The following MAPK7 variants were observed in gnomAD, a reference collection of about 807,000 sequenced individuals.
MAPK7 encodes the protein mitogen-activated protein kinase 7.
In MAPK7, 30 loss-of-function variants were observed where a neutral mutation model predicts 56.9. That is an observed-to-expected ratio of 0.53 (90% confidence interval 0.39 to 0.72). The LOEUF is 0.72. Among genes scored for constraint, MAPK7 ranks in the 30% least tolerant of loss-of-function variants. The probability of loss-of-function intolerance (pLI) is 0.00; values close to 1 mark genes in which losing one functional copy is unlikely to be tolerated. For synonymous variants in MAPK7, 516 were observed against 449.3 expected (o/e 1.15, Z -1.88); for missense variants, 952 against 1,110.8 (o/e 0.86, Z 2.03).
chr17:19,380,085 T>C, intron 3 of MAPK7, 138 bp downstream of exon 3: 1 of 922,024 alleles, frequency 1.1e-6, no homozygotes, highest in Non-Finnish European at 1.6e-6. Context: ...GGACCAGTTC[T>C]TTAGAGTTTT....
chr17:19,378,677 T>C lies in MAPK7; in HGVS notation c.-6+47T>C. 1 of 1,413,782 alleles carries C rather than the reference T, an allele frequency of 7.1e-7. No homozygotes were observed. The highest frequency in any genetic ancestry group is 9.2e-7 in the Non-Finnish European group (1 of 1,088,036). 87.6% of individuals were successfully genotyped at this position (1,413,782 alleles called of 1,614,324 possible). ...CCCAGGTGCCCCGCCCCTCCCTTTCTTCCTGGCCCGCGCCTCGCCTACCCC... is the reference window on the plus strand; with the variant it reads ...CCCAGGTGCCCCGCCCCTCCCTTTCCTCCTGGCCCGCGCCTCGCCTACCCC... On this transcript the variant is annotated intron_variant, in intron 1 of 6. Coordinates refer to ENST00000395604, the MANE Select transcript of MAPK7 (RefSeq NM_002749.4). This position sits in a 1 kb window ranked among gnomAD's most constrained non-coding sequence, Gnocchi z 5.4.
chr17:19,381,912 G>A lies in MAPK7; in HGVS notation c.1609G>A (p.Glu537Lys). The A allele has an allele frequency of 5.1e-6, 8 of 1,554,890 alleles. No individual in the cohort carries two copies. Among genetic ancestry groups the A allele is most frequent in the Non-Finnish European group, 7.0e-6 (8 of 1,148,782 alleles). The change falls in exon 5 of 7, where the codon GAG (glutamate) becomes AAG (lysine). Residue 537 changes from glutamate to lysine, a missense_variant. Glu to Lys is a moderately conservative substitution (Grantham distance 56). Around this residue, in one of 5 missense-constraint regions of MAPK7, gnomAD observed 429 missense variants for 533.0 expected, o/e 0.80. Transcript: ENST00000395604. The surrounding 1 kb of genome is among the most constrained non-coding windows in gnomAD (Gnocchi z 4.6). ...RAKEREKRRQ[E>K]RERKERGAGA... ...CAAGGAGCGGGAGAAACGGCGGCAGGAGCGGGAGCGAAAGGAACGGGGGGC... is the reference window on the plus strand; with the variant it reads ...CAAGGAGCGGGAGAAACGGCGGCAGAAGCGGGAGCGAAAGGAACGGGGGGC...
rs1364080249 is a variant in MAPK7 at position 19,382,958 on chromosome 17, G to A, written c.2297+12G>A. On this transcript the variant is annotated intron_variant, in intron 6 of 6. Coordinates refer to ENST00000395604, the MANE Select transcript of MAPK7 (RefSeq NM_002749.4). ...GGGCCACAGGATGGGTAAGGTGGCT[G>A]GACTGAGCTCCTAGACTGGGACTGT... 1 of 1,613,946 alleles carries A rather than the reference G, an allele frequency of 6.2e-7. No homozygotes were observed. The highest frequency in any genetic ancestry group is 1.3e-5 in the African/African-American group (1 of 74,930).
chr17:19,380,500 G>A (rs1912555480), intron 3 of MAPK7, 108 bp from the exon 4 acceptor site: 1 of 1,486,722 alleles, frequency 6.7e-7, no homozygotes. Flanking sequence ...TGGGGTCCCA[G>A]GGTAAGGCTG....
At position 19,382,376 on chromosome 17, in the gene MAPK7, G is replaced by T. The variant is rs1292485658; in HGVS notation, c.2073G>T (p.Leu691=). ...TTTTGCCTTACTTCCCACCTGGCCT[G>T]CCGCCCCCAGACGCCGGGGGAGCCC... ...PGVLPYFPPG[L]PPPDAGGAPQ... is the part of the protein sequence containing the mutation. The change falls in exon 5 of 7, where the codon CTG becomes CTT. Residue 691 remains leucine (L), a synonymous_variant. Transcript: ENST00000395604. 2 of 1,613,442 alleles carry T rather than the reference G, an allele frequency of 1.2e-6. No individual in the cohort carries two copies.
chr17:19,381,174 C>G lies in MAPK7; in HGVS notation c.965C>G (p.Ser322Ter). The part of the protein sequence containing the change: ...VYPGADRQAL[S>*]LLGRMLRFEP... ...CCAGGTGCCGACCGCCAGGCCCTATCACTGCTGGGTCGCATGCTGCGTTTT... is the reference window on the plus strand; with the variant it reads ...CCAGGTGCCGACCGCCAGGCCCTATGACTGCTGGGTCGCATGCTGCGTTTT... Residue 322 changes from serine (S) to a stop codon, truncating the protein, a stop_gained, in exon 4 of 7, where the codon TCA (serine) becomes TGA (stop). Transcript: ENST00000395604. LOFTEE classifies it high-confidence loss of function. The surrounding 1 kb of genome is among the most constrained non-coding windows in gnomAD (Gnocchi z 4.6). The G allele has an allele frequency of 6.2e-7, 1 of 1,614,150 alleles. No homozygotes were observed. Among genetic ancestry groups the G allele is most frequent in the Non-Finnish European group, 8.5e-7 (1 of 1,180,036 alleles).
Position 19,378,743 on chromosome 17 carries a change from C to G in MAPK7, c.-6+113C>G. The G allele has an allele frequency of 3.0e-6, 4 of 1,326,620 alleles. No individual in the cohort carries two copies. The highest frequency in any genetic ancestry group is 4.0e-6 in the Non-Finnish European group (4 of 1,003,602). 82.2% of individuals were successfully genotyped at this position (1,326,620 alleles called of 1,614,324 possible). A position where few individuals can be genotyped will look rare whatever the true frequency, so the allele number is the denominator to read the frequency against. ...GGGCCCCCGGCTCTGGGCCCGGACCCCTGGGGTAGCTAGTCTGCCACGAAC... is the reference window on the plus strand; with the variant it reads ...GGGCCCCCGGCTCTGGGCCCGGACCGCTGGGGTAGCTAGTCTGCCACGAAC... On this transcript the variant is annotated intron_variant, in intron 1 of 6. Transcript: ENST00000395604. The surrounding 1 kb of genome is among the most constrained non-coding windows in gnomAD (Gnocchi z 5.4).
Position 19,383,299 on chromosome 17 carries a change from G to A in MAPK7, c.*68G>A. 2 of 1,557,620 alleles carry A rather than the reference G, an allele frequency of 1.3e-6. No individual in the cohort carries two copies. The stretch of plus-strand genomic sequence containing the variant: ...AGGATCCATGGGAGCATTCTCAAAG[G>A]CTTTAGCCCTGGACCCAGCAGGTGA... On this transcript the variant is annotated 3_prime_UTR_variant, in exon 7 of 7. Coordinates refer to ENST00000395604, the MANE Select transcript of MAPK7 (RefSeq NM_002749.4).
At chr17:19,379,581 C>T (rs1210396828) in intron 2 of MAPK7, 2 of 596,276 alleles carry the variant, frequency 3.4e-6, no homozygotes, top group East Asian at 5.6e-5. Flanking sequence ...CCTATTGGGA[C>T]CTGCCCCGCA....
In MAPK7 at chr17:19,381,824, G is replaced by T. The variant is rs771079136; in HGVS notation, c.1521G>T (p.Pro507=). ...TGGAGGCTCCTGAGCCTCGGAAGCCGGTGACAGCCCAGGAGCGCCAGCGGG... is the reference window on the plus strand; with the variant it reads ...TGGAGGCTCCTGAGCCTCGGAAGCCTGTGACAGCCCAGGAGCGCCAGCGGG... ...APLEAPEPRK[P]VTAQERQRER... Residue 507 remains proline, a synonymous_variant, in exon 5 of 7, where the codon CCG becomes CCT. Transcript: ENST00000395604. The surrounding 1 kb of genome is among the most constrained non-coding windows in gnomAD (Gnocchi z 4.6). The T allele has an allele frequency of 1.9e-6, 3 of 1,573,974 alleles. No homozygotes were observed. The highest frequency in any genetic ancestry group is 2.6e-6 in the Non-Finnish European group (3 of 1,161,512).
At chr17:19,380,169 T>C in intron 3 of MAPK7, 1 of 587,682 alleles carries the variant, frequency 1.7e-6, no homozygotes, top group Non-Finnish European at 2.9e-6. Flanking sequence ...GTATATAGGA[T>C]GTCAAATGTA....
At position 19,380,711 on chromosome 17, in the gene MAPK7, C is replaced by T. The variant is rs201284087; in HGVS notation, c.502C>T (p.Arg168Trp). The change falls in exon 4 of 7, where the codon CGG becomes TGG. Residue 168 changes from arginine (R) to tryptophan (W), a missense_variant. This residue lies in a region of MAPK7 where 213 missense variants were observed against 243.2 expected (regional missense o/e 0.88). Transcript: ENST00000395604. Reference sequence around the variant, plus strand: ...GCGCTACTTCCTGTACCAACTGCTGCGGGGCCTGAAGTACATGCACTCGGC... The same window carrying T: ...GCGCTACTTCCTGTACCAACTGCTGTGGGGCCTGAAGTACATGCACTCGGC... The part of the protein sequence containing the change: ...HVRYFLYQLL[R>W]GLKYMHSAQV... 7 of 1,614,196 alleles carry T rather than the reference C, an allele frequency of 4.3e-6. No individual in the cohort carries two copies. Among genetic ancestry groups the T allele is most frequent in the Admixed American group, 3.3e-5 (2 of 60,024 alleles).
chr17:19,381,097 C>T lies in MAPK7; in HGVS notation c.888C>T (p.Ala296=), dbSNP rs759072953. The change falls in exon 4 of 7, where the codon GCC becomes GCT. Residue 296 remains alanine (A), a synonymous_variant. Transcript: ENST00000395604. This position sits in a 1 kb window ranked among gnomAD's most constrained non-coding sequence, Gnocchi z 4.6. The part of the protein sequence containing the change: ...IQAVGAERVR[A]YIQSLPPRQP... ...CTGTGGGGGCTGAGAGGGTGCGGGC[C>T]TATATCCAGAGCTTGCCACCACGCC... 6.2e-6 allele frequency: 10 copies of T among 1,613,910 alleles called. No homozygotes were observed. The Middle Eastern group carries it at 4.9e-4, about 80-fold the overall frequency.
At position 19,381,039 on chromosome 17, in the gene MAPK7, T is replaced by C. The variant is rs777595707; in HGVS notation, c.830T>C (p.Val277Ala). 6.2e-7 allele frequency: 1 copy of C among 1,614,096 alleles called. No individual in the cohort carries two copies. The highest frequency in any genetic ancestry group is 8.5e-7 in the Non-Finnish European group (1 of 1,180,028). The change falls in exon 4 of 7, where the codon GTG (valine) becomes GCG (alanine). Residue 277 changes from valine (V) to alanine (A), a missense_variant. This residue lies in a region of MAPK7 where 429 missense variants were observed against 533.0 expected (regional missense o/e 0.80). Coordinates refer to ENST00000395604, the MANE Select transcript of MAPK7 (RefSeq NM_002749.4). This position sits in a 1 kb window ranked among gnomAD's most constrained non-coding sequence, Gnocchi z 4.6. Reference sequence around the variant, plus strand: ...CACCAGCTACAGCTCATCATGATGGTGCTGGGTACCCCATCACCAGCCGTG... The same window carrying C: ...CACCAGCTACAGCTCATCATGATGGCGCTGGGTACCCCATCACCAGCCGTG... ...YVHQLQLIMMVLGTPSPAVIQ... is the reference protein window; with the variant it reads ...YVHQLQLIMMALGTPSPAVIQ...
chr17:19,383,440 A>G lies in MAPK7; in HGVS notation c.*209A>G, dbSNP rs1809684604. 1 of 466,492 alleles carries G rather than the reference A, an allele frequency of 2.1e-6. No homozygotes were observed. Among genetic ancestry groups the G allele is most frequent in the Non-Finnish European group, 3.8e-6 (1 of 264,980 alleles). The allele number at this position is 466,492 out of a possible 1,614,324, so 28.9% of individuals were successfully genotyped here. ...CGGGAGACCCCAACTCCCCCTGAAC[A>G]ATCCTTTTCAGTATTATATTTTTAT... On this transcript the variant is annotated 3_prime_UTR_variant, in exon 7 of 7. Transcript: ENST00000395604.
chr17:19,380,285 C>T (rs1349906326), intron 3 of MAPK7: 5 of 500,788 alleles, frequency 1.0e-5, no homozygotes, highest in Non-Finnish European at 1.7e-5. Context: ...CAATTTTCAT[C>T]ATAGTTCTTC....
chr17:19,379,242 G>A, intron 2 of MAPK7, 110 bp downstream of exon 2: 1 of 952,854 alleles, frequency 1.0e-6, no homozygotes, highest in Non-Finnish European at 1.6e-6. Flanking sequence ...TCTGGCTCCA[G>A]TCAACACACA....
At chr17:19,380,521 G>T (rs764917024) in intron 3 of MAPK7, 87 bp from the exon 4 acceptor site, 1 of 1,504,830 alleles carries the variant, frequency 6.6e-7, no homozygotes, top group Admixed American at 2.2e-5. Flanking sequence ...TTACCTGTCT[G>T]GAATCGGAAG....
Position 19,380,224 on chromosome 17 carries a change from T to G in MAPK7, c.398+277T>G, listed in dbSNP as rs1912534648. On this transcript the variant is annotated intron_variant, in intron 3 of 6. Coordinates refer to ENST00000395604, the MANE Select transcript of MAPK7 (RefSeq NM_002749.4). ...ACACCCTCCTATTCCCATAGCAGAC[T>G]TCACTAATCAATCACAGAACACTTT... 1.6e-5 allele frequency: 8 copies of G among 513,578 alleles called. No individual in the cohort carries two copies. The South Asian group carries it at 1.9e-4, about 12-fold the overall frequency. 31.8% of individuals were successfully genotyped at this position (513,578 alleles called of 1,614,324 possible).
Sources: allele counts gnomAD v4.1 joint callset, GRCh38; gene constraint gnomAD v4.1.1; regional missense constraint gnomAD v4.1.1; non-coding constraint Gnocchi (gnomAD v3.1); transcripts MANE v1.5; gene names NCBI Gene and HGNC (gene_info 2026-07-23, HGNC 2026-07-21).